The following SYT2 variants were observed in gnomAD, a reference collection of about 807,000 sequenced individuals.
SYT2 encodes the protein synaptotagmin-2.
A neutral mutation model predicts 39.9 loss-of-function variants in SYT2; 15 were observed. The ratio of observed to expected loss-of-function variants is 0.38; its 90% CI spans 0.25 to 0.58. SYT2 has a LOEUF of 0.58. Among genes scored for constraint, SYT2 ranks in the 20% least tolerant of loss-of-function variants. The probability of loss-of-function intolerance (pLI) is 0.70; values close to 1 mark genes in which losing one functional copy is unlikely to be tolerated. For missense variants in SYT2, 389 were observed against 530.3 expected (o/e 0.73, Z 2.62); for synonymous variants, 181 against 204.5 (o/e 0.89, Z 0.98).
rs1307200300 is a variant in SYT2 at position 202,628,576 on chromosome 1, C to T, written c.-17-22787G>A. On this transcript the variant is annotated intron_variant, in intron 1 of 8. Coordinates refer to ENST00000367268, the MANE Select transcript of SYT2 (RefSeq NM_177402.5). The surrounding 1 kb of genome is among the most constrained non-coding windows in gnomAD (Gnocchi z 4.2). Reference sequence around the variant, plus strand: ...AAACTAAAGTGGAGCATGCAAGTCCCGGGGGCACAATTAGGTGCTCCAAAG... The same window carrying T: ...AAACTAAAGTGGAGCATGCAAGTCCTGGGGGCACAATTAGGTGCTCCAAAG... 5.9e-5 allele frequency among the ~76,000 whole-genome samples: 9 copies of T among 152,162 alleles called. No individual in the cohort carries two copies. The highest frequency in any genetic ancestry group is 2.9e-5 in the Non-Finnish European group (2 of 68,026).
intron 1 of SYT2, among the ~76,000 whole-genome samples, chr1:202,667,932 C>T (rs1572668203): frequency 1.3e-5 from 2 of 152,054 alleles, no homozygotes; most frequent in East Asian, 1.9e-4. Context: ...AGGCTGGTCT[C>T]GAACTCCTGA....
At chr1:202,607,563 CT>C (rs1690748723) in intron 1 of SYT2, among the ~76,000 whole-genome samples, 1 of 152,186 alleles carries the variant, frequency 6.6e-6, no homozygotes, top group Non-Finnish European at 1.5e-5. Context: ...TAAAAACCTG[CT>C]GAGATCCCCT....
intron 1 of SYT2, among the ~76,000 whole-genome samples, chr1:202,708,527 C>T (rs1654308006): frequency 6.6e-6 from 1 of 152,024 alleles, no homozygotes. Context: ...GCAGAGGCAG[C>T]CACCCTGAGG....
At chr1:202,689,853 C>G (rs1246081989) in intron 1 of SYT2, among the ~76,000 whole-genome samples, 1 of 151,778 alleles carries the variant, frequency 6.6e-6, no homozygotes, top group African/African-American at 2.4e-5. Context: ...GAATTAAGGG[C>G]CTTTCCCCCT....
chr1:202,598,839 G>T (rs1690391881), intron 8 of SYT2, among the ~76,000 whole-genome samples: 1 of 152,178 alleles, frequency 6.6e-6, no homozygotes, highest in Non-Finnish European at 1.5e-5. Context: ...GTGGAAGTGG[G>T]GCAGGGATGG....
intron 1 of SYT2, among the ~76,000 whole-genome samples, chr1:202,624,985 AGT>A (rs1691337405): frequency 6.8e-5 from 1 of 14,630 alleles, no homozygotes; most frequent in Admixed American, 8.9e-4. Context: ...TGGTGTGTGT[AGT>A]GTGGTGTGTG....
intron 1 of SYT2, among the ~76,000 whole-genome samples, chr1:202,658,869 G>A (rs534155202): frequency 1.7e-4 from 26 of 152,208 alleles, no homozygotes; most frequent in African/African-American, 6.3e-4. Context: ...CTAGGTAGAA[G>A]GAGTATGAAG....
At position 202,599,117 on chromosome 1, in the gene SYT2, C is replaced by G. The variant is rs771336698; in HGVS notation, c.1053+101G>C. 4 of 1,491,556 alleles carry G rather than the reference C, an allele frequency of 2.7e-6. No individual in the cohort carries two copies. The highest frequency in any genetic ancestry group is 3.6e-6 in the Non-Finnish European group (4 of 1,109,896). 92.4% of individuals were successfully genotyped at this position (1,491,556 alleles called of 1,614,324 possible). ...TCGAGCCTTCCCCTACCAAGAAAGG[C>G]TGTTCCATGGTCTCTAGGTGAGTTC... On this transcript the variant is annotated intron_variant, in intron 8 of 8. Transcript: ENST00000367268. The surrounding 1 kb of genome is among the most constrained non-coding windows in gnomAD (Gnocchi z 4.4).
intron 1 of SYT2, among the ~76,000 whole-genome samples, chr1:202,625,629 C>T (rs999697959): frequency 2.0e-5 from 3 of 151,990 alleles, no homozygotes; most frequent in African/African-American, 7.3e-5. Context: ...AGGAGGCTGC[C>T]GCCTGCCTCC....
intron 1 of SYT2, among the ~76,000 whole-genome samples, chr1:202,692,942 A>G (rs1281814989): frequency 1.3e-5 from 2 of 152,214 alleles, no homozygotes; most frequent in Non-Finnish European, 2.9e-5. Context: ...GAGGAGGTTA[A>G]TAAGGCAGGA....
chr1:202,646,329 A>C (rs1692080704), intron 1 of SYT2, among the ~76,000 whole-genome samples: 2 of 152,050 alleles, frequency 1.3e-5, no homozygotes, highest in Middle Eastern at 3.4e-3. Context: ...TCCACACCCC[A>C]CTGCACCAGG....
At position 202,604,492 on chromosome 1, in the gene SYT2, T is replaced by C. The variant is rs773963322; in HGVS notation, c.308A>G (p.Lys103Arg). 6.2e-7 allele frequency: 1 copy of C among 1,614,258 alleles called. No homozygotes were observed. Among genetic ancestry groups the C allele is most frequent in the Non-Finnish European group, 8.5e-7 (1 of 1,180,046 alleles). The change falls in exon 3 of 9, where the codon AAG (lysine) becomes AGG (arginine). Residue 103 changes from lysine to arginine, a missense_variant. Around this residue, in one of 4 missense-constraint regions of SYT2, gnomAD observed 280 missense variants for 335.6 expected, o/e 0.83. Coordinates refer to ENST00000367268, the MANE Select transcript of SYT2 (RefSeq NM_177402.5). ...KNKKEKGKGM[K>R]NAMNMKDMKG... The stretch of plus-strand genomic sequence containing the variant: ...CATGTCCTTCATGTTCATGGCATTC[T>C]TCATGCCTTTGCCCTTCTCCTTCTT...
chr1:202,599,772 A>G lies in SYT2; in HGVS notation c.920-421T>C, dbSNP rs1303634073. The stretch of plus-strand genomic sequence containing the variant: ...GAACGGAAATGACCTGCCCGAGGTC[A>G]CACAGCGGGTCAGTGACAGAGCCAG... On this transcript the variant is annotated intron_variant, in intron 7 of 8. Coordinates refer to ENST00000367268, the MANE Select transcript of SYT2 (RefSeq NM_177402.5). This position sits in a 1 kb window ranked among gnomAD's most constrained non-coding sequence, Gnocchi z 4.4. 6.6e-6 allele frequency among the ~76,000 whole-genome samples: 1 copy of G among 152,224 alleles called. No homozygotes were observed. Among genetic ancestry groups the G allele is most frequent in the South Asian group, 2.1e-4 (1 of 4,834 alleles).
intron 3 of SYT2, 182 bp downstream of exon 3, chr1:202,604,273 C>A (rs532179338): frequency 1.2e-5 from 8 of 640,962 alleles, no homozygotes; most frequent in East Asian, 1.0e-4. Flanking sequence ...GGAATAAGGC[C>A]CCCCCCTCCC....
At chr1:202,625,849 A>AGGGG (rs1411472733) in intron 1 of SYT2, among the ~76,000 whole-genome samples, 1 of 152,130 alleles carries the variant, frequency 6.6e-6, no homozygotes, top group Non-Finnish European at 1.5e-5. Context: ...AGCACCGGGG[A>AGGGG]GGGGGTCCTG....
At chr1:202,632,834 G>C (rs1691633362) in intron 1 of SYT2, 1 of 152,270 alleles carries the variant, frequency 6.6e-6, no homozygotes, top group Non-Finnish European at 1.5e-5. Context: ...TACCAGCTTG[G>C]TGGCCTTGGA....
At chr1:202,644,453 C>T (rs1483344597) in intron 1 of SYT2, among the ~76,000 whole-genome samples, 1 of 152,156 alleles carries the variant, frequency 6.6e-6, no homozygotes, top group Non-Finnish European at 1.5e-5. Flanking sequence ...TGGGCCTCAC[C>T]CTCAACCCCC....
chr1:202,681,091 C>T (rs1324658814), intron 1 of SYT2, among the ~76,000 whole-genome samples: 7 of 152,108 alleles, frequency 4.6e-5, no homozygotes, highest in Admixed American at 4.6e-4. Context: ...AGATCCTCCC[C>T]ACCCCTGGTC....
At chr1:202,685,641 A>G (rs1572678890) in intron 1 of SYT2, among the ~76,000 whole-genome samples, 5 of 151,888 alleles carry the variant, frequency 3.3e-5, no homozygotes, top group Non-Finnish European at 7.4e-5. Context: ...GGGAAATGCT[A>G]CCCTTGGAAG....
Sources: gnomAD v4.1 joint callset for allele counts (sites outside exome capture counted in the v4.1 genomes callset) on GRCh38, gnomAD v4.1.1 for gene constraint, gnomAD v4.1.1 regional missense constraint, Gnocchi (gnomAD v3.1) non-coding constraint, MANE v1.5 for transcripts, NCBI Gene and HGNC (gene_info 2026-07-23, HGNC 2026-07-21) for gene names.